Variants in REEP5 observed in about 807,000 individuals in gnomAD.
REEP5 encodes the protein receptor expression-enhancing protein 5.
REEP5 carries 24 observed loss-of-function variants against 22.4 expected under a neutral mutation model. That is an observed-to-expected ratio of 1.07 (90% CI 0.78 to 1.51). The LOEUF (loss-of-function observed/expected upper bound fraction) is 1.51, where lower values mean the gene tolerates loss of function less well. REEP5 is among the 40% of genes most tolerant of loss of function. The pLI, the probability that REEP5 is intolerant of heterozygous loss-of-function variation, is 0.00. For synonymous variants in REEP5, 103 were observed against 88.6 expected, an observed-to-expected ratio of 1.16 and a Z score of -0.92; for missense variants, 252 against 233.0, an observed-to-expected ratio of 1.08 and a Z score of -0.53.
intron 4 of REEP5, among the ~76,000 whole-genome samples, chr5:112,880,371 G>C (rs935220215): frequency 6.6e-6 from 1 of 152,196 alleles, no homozygotes; most frequent in Non-Finnish European, 1.5e-5. Context: ...GGAGGGGAAA[G>C]GGGTTGTCTA....
At chr5:112,921,513 A>G in intron 1 of REEP5, 1 of 521,816 alleles carries the variant, frequency 1.9e-6, no homozygotes, top group Non-Finnish European at 3.5e-6. Context: ...TTGCGCAGCA[A>G]CCCCCGGCGC....
At chr5:112,905,219 T>C (rs967943324) in intron 2 of REEP5, among the ~76,000 whole-genome samples, 2 of 152,068 alleles carry the variant, frequency 1.3e-5, no homozygotes, top group African/African-American at 2.4e-5. Context: ...CCCCATGTAG[T>C]CATGGTGAGA....
chr5:112,917,073 A>G (rs185542639), intron 2 of REEP5, among the ~76,000 whole-genome samples: 3 of 152,326 alleles, frequency 2.0e-5, no homozygotes, highest in African/African-American at 7.2e-5. Flanking sequence ...CACATTACTG[A>G]ACTGGGTATG....
chr5:112,920,163 T>C lies in REEP5; in HGVS notation c.212+1000A>G, dbSNP rs77933996. On this transcript the variant is annotated intron_variant, in intron 2 of 4. Coordinates refer to ENST00000379638, the MANE Select transcript of REEP5 (RefSeq NM_005669.5). ...TGTACCGGACTAACACAGTAACAAC[T>C]ACTAGGTAACTGCAATTTAATTGCT... Among the ~76,000 whole-genome samples, 40 of 152,354 alleles carry C rather than the reference T, an allele frequency of 2.6e-4. No homozygotes were observed. The East Asian group carries it at 7.1e-3, about 27-fold the overall frequency.
intron 3 of REEP5, chr5:112,893,982 T>C (rs1768591799): frequency 6.6e-6 from 1 of 152,202 alleles, no homozygotes; most frequent in Non-Finnish European, 1.5e-5. Flanking sequence ...AAATGGAGAA[T>C]TAAATGACTG....
chr5:112,886,293 G>A (rs965506222), intron 4 of REEP5, among the ~76,000 whole-genome samples: 2 of 152,152 alleles, frequency 1.3e-5, no homozygotes, highest in South Asian at 2.1e-4. Flanking sequence ...CAAGGTATTC[G>A]ATATGTTACA....
intron 2 of REEP5, among the ~76,000 whole-genome samples, chr5:112,919,170 T>G (rs1009271631): frequency 5.3e-5 from 8 of 152,140 alleles, no homozygotes; most frequent in Admixed American, 2.0e-4. Flanking sequence ...GGTCTGAATG[T>G]TGTGTTCCCC....
At chr5:112,879,082 G>T (rs919721392) in intron 4 of REEP5, among the ~76,000 whole-genome samples, 2 of 152,054 alleles carry the variant, frequency 1.3e-5, no homozygotes, top group South Asian at 4.2e-4. Flanking sequence ...CTAGCCCCTT[G>T]TTGTGACAGT....
intron 4 of REEP5, among the ~76,000 whole-genome samples, chr5:112,881,127 T>TC: frequency 4.6e-5 from 1 of 21,646 alleles, no homozygotes; most frequent in Non-Finnish European, 7.4e-5. Flanking sequence ...AGACTCTGTT[T>TC]CAAAAAAAAA....
intron 2 of REEP5, among the ~76,000 whole-genome samples, chr5:112,904,671 T>C (rs1768917143): frequency 6.6e-6 from 1 of 152,198 alleles, no homozygotes; most frequent in Non-Finnish European, 1.5e-5. Context: ...CATGATCCAG[T>C]AAACAGACAT....
At chr5:112,901,673 T>C (rs2150043958) in intron 3 of REEP5, among the ~76,000 whole-genome samples, 1 of 149,382 alleles carries the variant, frequency 6.7e-6, no homozygotes, top group South Asian at 2.1e-4. Flanking sequence ...GATTGTACCA[T>C]GGCACTCTAG....
intron 4 of REEP5, among the ~76,000 whole-genome samples, chr5:112,886,211 A>G (rs1332426592): frequency 6.6e-6 from 1 of 152,240 alleles, no homozygotes; most frequent in Non-Finnish European, 1.5e-5. Context: ...GTACAGTCCT[A>G]GAGAATTCCC....
In REEP5 at chr5:112,921,810, T is replaced by C. The variant is rs572967568; in HGVS notation, c.118+263A>G. The C allele has an allele frequency of 8.7e-6, 3 of 343,392 alleles. No homozygotes were observed. In the South Asian group the frequency reaches 1.2e-4, roughly 14 times the overall value. 21.3% of individuals were successfully genotyped at this position (343,392 alleles called of 1,614,324 possible). On this transcript the variant is annotated intron_variant, in intron 1 of 4. Transcript: ENST00000379638. Reference sequence around the variant, plus strand: ...AGGGCGCCGGGCCGCGGGGCAGACATACGTCAGCGCTGGCCCTTCCAGCTG... The same window carrying C: ...AGGGCGCCGGGCCGCGGGGCAGACACACGTCAGCGCTGGCCCTTCCAGCTG...
chr5:112,906,789 CTG>C (rs1237585204), intron 2 of REEP5, among the ~76,000 whole-genome samples: 1 of 152,170 alleles, frequency 6.6e-6, no homozygotes, highest in Non-Finnish European at 1.5e-5. Context: ...TAATGCAGAA[CTG>C]TGTTTGGAAA....
In REEP5 at chr5:112,922,182, C is replaced by G. The variant is rs745444397; in HGVS notation, c.9G>C (p.Ala3=). 2 of 1,606,554 alleles carry G rather than the reference C, an allele frequency of 1.2e-6. No homozygotes were observed. The highest frequency in any genetic ancestry group is 4.5e-5 in the East Asian group (2 of 44,034). The part of the protein sequence containing the change: MS[A]AMRERFDRFL... The stretch of plus-strand genomic sequence containing the variant: ...ACCGGTCGAACCTCTCCCTCATGGC[C>G]GCAGACATGGCGGGGACCGTCTCGC... The change falls in exon 1 of 5, where the codon GCG becomes GCC. Residue 3 remains alanine (A), a synonymous_variant. Transcript: ENST00000379638.
chr5:112,898,852 A>T (rs151977), intron 3 of REEP5, among the ~76,000 whole-genome samples: 55,089 of 152,030 alleles, frequency 0.36, 10,316 homozygotes, highest in African/African-American at 0.46. Flanking sequence ...TTTGAAATCA[A>T]CTCTTTCCAC....
chr5:112,908,798 G>A (rs1019059586), intron 2 of REEP5, among the ~76,000 whole-genome samples: 8 of 150,496 alleles, frequency 5.3e-5, no homozygotes, highest in South Asian at 2.1e-4. Flanking sequence ...CTCGTGATCC[G>A]CCCACCTCGG....
chr5:112,922,167 C>T lies in REEP5; in HGVS notation c.24G>A (p.Arg8=), dbSNP rs758795151. The T allele has an allele frequency of 1.4e-5, 22 of 1,608,066 alleles. No homozygotes were observed. Among genetic ancestry groups the T allele is most frequent in the East Asian group, 2.3e-5 (1 of 44,248 alleles). Residue 8 remains arginine, a synonymous_variant, in exon 1 of 5, where the codon AGG becomes AGA. Coordinates refer to ENST00000379638, the MANE Select transcript of REEP5 (RefSeq NM_005669.5). ...TCTTCTCGTGCAGGAACCGGTCGAA[C>T]CTCTCCCTCATGGCCGCAGACATGG... The part of the protein sequence containing the change: MSAAMRE[R]FDRFLHEKNC...
rs1769321388 is a variant in REEP5, at chr5:112,920,101, A to T, written c.212+1062T>A. Among the ~76,000 whole-genome samples, 3 of 152,206 alleles carry T rather than the reference A, an allele frequency of 2.0e-5. No homozygotes were observed. The South Asian group carries it at 6.2e-4, about 31-fold the overall frequency. Reference sequence around the variant, plus strand: ...AGAGCCCGGGGTAGGCCTCAGGGCTATATGTAGCTAGACTTTCTGGAGTAT... The same window carrying T: ...AGAGCCCGGGGTAGGCCTCAGGGCTTTATGTAGCTAGACTTTCTGGAGTAT... On this transcript the variant is annotated intron_variant, in intron 2 of 4. Coordinates refer to ENST00000379638, the MANE Select transcript of REEP5 (RefSeq NM_005669.5).
Sources: gnomAD v4.1 joint callset for allele counts (sites outside exome capture counted in the v4.1 genomes callset) on GRCh38, gnomAD v4.1.1 for gene constraint, MANE v1.5 for transcripts, NCBI Gene and HGNC (gene_info 2026-07-23, HGNC 2026-07-21) for gene names.